The following SLC17A6 variants were observed in gnomAD, a reference collection of about 807,000 sequenced individuals.
SLC17A6 encodes solute carrier family 17 member 6.
SLC17A6 carries 35 observed loss-of-function variants against 67.1 expected under a neutral mutation model. The ratio of observed to expected loss-of-function variants is 0.52; its 90% CI spans 0.40 to 0.69. The LOEUF is 0.69. Among genes scored for constraint, SLC17A6 ranks in the 30% least tolerant of loss-of-function variants. The pLI, the probability that SLC17A6 is intolerant of heterozygous loss-of-function variation, is 0.00. For missense variants in SLC17A6, 588 were observed against 723.9 expected (o/e 0.81, Z 2.15); for synonymous variants, 285 against 252.3 (o/e 1.13, Z -1.23).
chr11:22,362,814 T>A lies in SLC17A6; in HGVS notation c.737T>A (p.Phe246Tyr), dbSNP rs556852124. Residue 246 changes from phenylalanine to tyrosine, a missense_variant, in exon 6 of 12, where the codon TTT becomes TAT. Coordinates refer to ENST00000263160, the MANE Select transcript of SLC17A6 (RefSeq NM_020346.3). ...CAGTACACTGGCTGGTCTTCAGTGT[T>A]TTATGTCTACGGTATGTTATATTTC... ...LVQYTGWSSV[F>Y]YVYGSFGMVW... is the part of the protein sequence containing the mutation. The A allele has an allele frequency of 6.2e-7, 1 of 1,613,230 alleles. No individual in the cohort carries two copies. Among genetic ancestry groups the A allele is most frequent in the South Asian group, 1.1e-5 (1 of 91,066 alleles).
chr11:22,357,932 A>G (rs1330985656), intron 3 of SLC17A6, among the ~76,000 whole-genome samples: 1 of 152,216 alleles, frequency 6.6e-6, no homozygotes, highest in African/African-American at 2.4e-5. Context: ...CACTAAGGGA[A>G]GGCGGGTACA....
rs201311311 is a variant in SLC17A6, at chr11:22,376,064, A to G, written c.1257A>G (p.Ala419=). The G allele has an allele frequency of 1.9e-6, 3 of 1,611,790 alleles. No individual in the cohort carries two copies. The highest frequency in any genetic ancestry group is 2.5e-6 in the Non-Finnish European group (3 of 1,178,854). ...RGVAISFLVL[A]VGFSGFAISG... is the part of the protein sequence containing the mutation. ...TAGCAATCTCATTCTTGGTACTTGC[A>G]GTGGGATTCAGTGGATTTGCTATAT... Residue 419 remains alanine, a synonymous_variant, in exon 10 of 12, where the codon GCA becomes GCG. Transcript: ENST00000263160.
chr11:22,370,131 A>T lies in SLC17A6; in HGVS notation c.984A>T (p.Leu328Phe), dbSNP rs1271738091. The T allele has an allele frequency of 6.2e-7, 1 of 1,612,132 alleles. No individual in the cohort carries two copies. Among genetic ancestry groups the T allele is most frequent in the Non-Finnish European group, 8.5e-7 (1 of 1,179,052 alleles). The stretch of plus-strand genomic sequence containing the variant: ...TCTGCAGAAGCTGGACTTTTTATTT[A>T]TTGCTTATTAGTCAGCCAGCATATT... ...ANFCRSWTFY[L>F]LLISQPAYFE... is the part of the protein sequence containing the mutation. The change falls in exon 8 of 12, where the codon TTA becomes TTT. Residue 328 changes from leucine to phenylalanine, a missense_variant. By Grantham distance (22) the Leu-to-Phe change is conservative (BLOSUM62 0). Around this residue, in one of 4 missense-constraint regions of SLC17A6, gnomAD observed 414 missense variants for 563.4 expected, o/e 0.73. Coordinates refer to ENST00000263160, the MANE Select transcript of SLC17A6 (RefSeq NM_020346.3).
chr11:22,350,711 C>T (rs1855928221), intron 3 of SLC17A6, among the ~76,000 whole-genome samples: 1 of 152,166 alleles, frequency 6.6e-6, no homozygotes, highest in African/African-American at 2.4e-5. Context: ...CTTATATTCA[C>T]ACCAGAAGTG....
At chr11:22,363,952 T>C (rs1188809973) in intron 6 of SLC17A6, among the ~76,000 whole-genome samples, 1 of 152,176 alleles carries the variant, frequency 6.6e-6, no homozygotes, top group Non-Finnish European at 1.5e-5. Context: ...TCTTTGTCCA[T>C]TACTTAAGTG....
rs572287460 is a variant in SLC17A6, at chr11:22,360,551, G to A, written c.574-346G>A. 7.1e-5 allele frequency among the ~76,000 whole-genome samples: 10 copies of A among 141,328 alleles called. No individual in the cohort carries two copies. In the East Asian group the frequency reaches 1.9e-3, roughly 27 times the overall value. The allele number at this position is 141,328 out of a possible 152,430, so 92.7% of individuals were successfully genotyped here. A position where few individuals can be genotyped will look rare whatever the true frequency, so the allele number is the denominator to read the frequency against. ...TCCCCCCCCCCCAAAAAAAAGATAG[G>A]TTCAAAATAACAGAAAAAGACTAAT... On this transcript the variant is annotated intron_variant, in intron 4 of 11. Transcript: ENST00000263160.
chr11:22,364,128 G>A (rs945379456), intron 6 of SLC17A6, among the ~76,000 whole-genome samples: 4 of 152,072 alleles, frequency 2.6e-5, no homozygotes, highest in Admixed American at 1.3e-4. Flanking sequence ...TACTTGCTGT[G>A]TGTAACAATA....
intron 1 of SLC17A6, among the ~76,000 whole-genome samples, chr11:22,340,447 C>G (rs1417145848): frequency 6.6e-6 from 1 of 152,108 alleles, no homozygotes; most frequent in Non-Finnish European, 1.5e-5. Context: ...TTCATTTGTC[C>G]CTTCTCCCAA....
chr11:22,341,498 T>A, intron 1 of SLC17A6, 30 bp from the exon 2 acceptor site: 1 of 1,605,914 alleles, frequency 6.2e-7, no homozygotes, highest in South Asian at 1.1e-5. Context: ...AGCCGCCAAG[T>A]CCTTGACTCG....
rs1414774369 is a variant in SLC17A6, at chr11:22,339,189, A to ATATGTTT, written c.86+573_86+574insGTTTTAT. Reference sequence around the variant, plus strand: ...TGTTATATATATATGTTTTATATATATATATATATATATATGTTAGAGAGA... The same window carrying ATATGTTT: ...TGTTATATATATATGTTTTATATATATATGTTTTATATATATATATATGTTAGAGAGA... On this transcript the variant is annotated intron_variant, in intron 1 of 11. Coordinates refer to ENST00000263160, the MANE Select transcript of SLC17A6 (RefSeq NM_020346.3). 4.4e-5 allele frequency among the ~76,000 whole-genome samples: 6 copies of ATATGTTT among 135,020 alleles called. 1 individual carries two copies. Among genetic ancestry groups the ATATGTTT allele is most frequent in the African/African-American group, 1.6e-4 (6 of 36,776 alleles). 88.6% of individuals were successfully genotyped at this position (135,020 alleles called of 152,430 possible).
Position 22,367,768 on chromosome 11 carries a change from CAGG to C in SLC17A6, c.891+2082_891+2084del, listed in dbSNP as rs200436785. On this transcript the variant is annotated intron_variant, in intron 7 of 11. Coordinates refer to ENST00000263160, the MANE Select transcript of SLC17A6 (RefSeq NM_020346.3). ...CTACAAATGACCCCAGAAAGAACAG[CAGG>C]AGAATGAAAAAACAGCATAATCTTC... is the stretch of plus-strand genomic sequence containing the variant. Among the ~76,000 whole-genome samples, 233 of 152,256 alleles carry C rather than the reference CAGG, an allele frequency of 1.5e-3. 1 individual carries two copies. In the East Asian group the frequency reaches 0.019, roughly 13 times the overall value.
chr11:22,356,559 G>A (rs1398813417), intron 3 of SLC17A6, among the ~76,000 whole-genome samples: 3 of 152,182 alleles, frequency 2.0e-5, no homozygotes, highest in Non-Finnish European at 4.4e-5. Flanking sequence ...AAGAGACCAG[G>A]CATGGTGGCT....
intron 7 of SLC17A6, 142 bp downstream of exon 7, chr11:22,365,831 C>T: frequency 1.2e-6 from 1 of 843,310 alleles, no homozygotes; most frequent in Non-Finnish European, 1.8e-6. Context: ...CATCCATATT[C>T]TCTGACTTAG....
chr11:22,343,348 T>C lies in SLC17A6; in HGVS notation c.441T>C (p.Ser147=), dbSNP rs1855840789. 6.2e-7 allele frequency: 1 copy of C among 1,611,110 alleles called. No homozygotes were observed. Among genetic ancestry groups the C allele is most frequent in the African/African-American group, 1.3e-5 (1 of 74,672 alleles). ...ITQIPGGYIA[S]RLAANRVFGA... ...AGATTCCGGGAGGCTACATCGCGTC[T>C]CGGCTGGCAGCCAACAGGTAATGCG... The change falls in exon 3 of 12, where the codon TCT becomes TCC. Residue 147 remains serine, a synonymous_variant. Coordinates refer to ENST00000263160, the MANE Select transcript of SLC17A6 (RefSeq NM_020346.3).
At chr11:22,345,015 G>C (rs954210438) in intron 3 of SLC17A6, among the ~76,000 whole-genome samples, 1 of 151,876 alleles carries the variant, frequency 6.6e-6, no homozygotes, top group South Asian at 2.1e-4. Flanking sequence ...AAACAAAAAT[G>C]ATACAAGATC....
intron 3 of SLC17A6, among the ~76,000 whole-genome samples, chr11:22,352,727 G>A (rs1279211209): frequency 6.6e-6 from 1 of 152,126 alleles, no homozygotes; most frequent in Non-Finnish European, 1.5e-5. Context: ...ATATCTGAGA[G>A]GAGACTAGTT....
At chr11:22,339,115 TG>T (rs1318917234) in intron 1 of SLC17A6, among the ~76,000 whole-genome samples, 1 of 111,384 alleles carries the variant, frequency 9.0e-6, no homozygotes, top group Non-Finnish European at 1.7e-5. Flanking sequence ...TATATATATA[TG>T]TTATATATAT....
At chr11:22,346,679 A>G (rs11026526) in intron 3 of SLC17A6, among the ~76,000 whole-genome samples, 14,995 of 151,928 alleles carry the variant, frequency 0.099, 988 homozygotes, top group Admixed American at 0.17. Flanking sequence ...TTTTGTCTTT[A>G]AATAATACAG....
intron 2 of SLC17A6, chr11:22,342,888 C>T (rs980166207): frequency 4.3e-6 from 2 of 462,178 alleles, no homozygotes; most frequent in African/African-American, 2.0e-5. Flanking sequence ...GTTAAGTGGA[C>T]CCCTGACAGG....
Sources: allele counts gnomAD v4.1 joint callset (sites outside exome capture counted in the v4.1 genomes callset), GRCh38; gene constraint gnomAD v4.1.1; regional missense constraint gnomAD v4.1.1; transcripts MANE v1.5; gene names NCBI Gene and HGNC (gene_info 2026-07-23, HGNC 2026-07-21).